The following PRDM5 variants were observed in gnomAD, a reference collection of about 807,000 sequenced individuals.
PRDM5 encodes the protein PR/SET domain 5, also known as PR domain zinc finger protein 5.
PRDM5 carries 56 observed loss-of-function variants against 81.2 expected under a neutral mutation model. The observed-to-expected ratio is 0.69, with a 90% CI of 0.56 to 0.86. The LOEUF (loss-of-function observed/expected upper bound fraction) is 0.86, where lower values mean the gene tolerates loss of function less well. PRDM5 is among the 40% of genes least tolerant of loss of function. The probability of loss-of-function intolerance (pLI) is 0.00; values close to 1 mark genes in which losing one functional copy is unlikely to be tolerated. For missense variants in PRDM5, 697 were observed against 770.1 expected (o/e 0.91, Z 1.12); for synonymous variants, 267 against 256.4 (o/e 1.04, Z -0.39).
rs541473824 is a variant in PRDM5 at position 120,760,500 on chromosome 4, AAAT to A, written c.1538-5865_1538-5863del. On this transcript the variant is annotated intron_variant, in intron 13 of 15. Coordinates refer to ENST00000264808, the MANE Select transcript of PRDM5 (RefSeq NM_018699.4). ...ATAGATTTAGTGAACACAGCAGCAT[AAAT>A]AATAATATTTACATATATACACAGA... Among the ~76,000 whole-genome samples, 369 of 152,328 alleles carry A rather than the reference AAAT, an allele frequency of 2.4e-3. 1 individual carries two copies. The highest frequency in any genetic ancestry group is 7.5e-3 in the African/African-American group (313 of 41,576).
At chr4:120,721,357 C>T (rs1195944664) in intron 14 of PRDM5, among the ~76,000 whole-genome samples, 1 of 152,166 alleles carries the variant, frequency 6.6e-6, no homozygotes. Flanking sequence ...CCTGATTTAA[C>T]TAGTTTGGGT....
chr4:120,728,064 G>T (rs1739700613), intron 14 of PRDM5, among the ~76,000 whole-genome samples: 1 of 151,998 alleles, frequency 6.6e-6, no homozygotes, highest in African/African-American at 2.4e-5. Flanking sequence ...GCTTAGCCTG[G>T]CCCAACTGCT....
intron 14 of PRDM5, among the ~76,000 whole-genome samples, chr4:120,751,451 G>A (rs1743989388): frequency 6.6e-6 from 1 of 151,562 alleles, no homozygotes; most frequent in African/African-American, 2.4e-5. Flanking sequence ...TCTAACATGT[G>A]TAACTGGTGT....
downstream of PRDM5, among the ~76,000 whole-genome samples, chr4:120,688,576 C>T (rs1043211758): frequency 6.6e-6 from 1 of 152,048 alleles, no homozygotes; most frequent in Admixed American, 6.6e-5. Context: ...AAGCATTTTC[C>T]CCCATATTTC....
At position 120,770,308 on chromosome 4, in the gene PRDM5, C is replaced by T. The variant is rs147835639; in HGVS notation, c.1537+6880G>A. 3.1e-3 allele frequency among the ~76,000 whole-genome samples: 469 copies of T among 152,164 alleles called. 3 individuals are homozygous for T. The highest frequency in any genetic ancestry group is 0.011 in the African/African-American group (460 of 41,500). On this transcript the variant is annotated intron_variant, in intron 13 of 15. Transcript: ENST00000264808. ...CCTCCCAAAGTGCTGAGATTACAGGCGTGAGCCACCGCACCCGACCCCTAT... is the reference window on the plus strand; with the variant it reads ...CCTCCCAAAGTGCTGAGATTACAGGTGTGAGCCACCGCACCCGACCCCTAT...
chr4:120,737,642 C>T (rs1031994396), intron 14 of PRDM5, among the ~76,000 whole-genome samples: 5 of 152,178 alleles, frequency 3.3e-5, no homozygotes, highest in Admixed American at 6.5e-5. Flanking sequence ...GATGAATGCA[C>T]GCACTCTTGC....
At chr4:120,901,610 A>G (rs1765235130) in intron 2 of PRDM5, among the ~76,000 whole-genome samples, 1 of 152,164 alleles carries the variant, frequency 6.6e-6, no homozygotes, top group Admixed American at 6.5e-5. Flanking sequence ...TTCAACCTCT[A>G]TTTGTTTTGG....
intron 14 of PRDM5, among the ~76,000 whole-genome samples, chr4:120,713,075 C>T (rs1056890854): frequency 2.6e-5 from 4 of 152,144 alleles, no homozygotes; most frequent in African/African-American, 7.2e-5. Context: ...TCACTGTATC[C>T]TTGTGATTCT....
intron 2 of PRDM5, among the ~76,000 whole-genome samples, chr4:120,895,839 G>A (rs1170992333): frequency 6.6e-6 from 1 of 152,094 alleles, no homozygotes; most frequent in Admixed American, 6.5e-5. Context: ...ACCATGCCTG[G>A]CTAATTTATT....
intron 7 of PRDM5, among the ~76,000 whole-genome samples, chr4:120,815,891 GAT>G (rs1169324626): frequency 1.3e-5 from 2 of 152,172 alleles, no homozygotes; most frequent in African/African-American, 4.8e-5. Context: ...GTGCTAAGCA[GAT>G]AAACCCAAAA....
At chr4:120,854,176 C>A (rs1037002981) in intron 2 of PRDM5, among the ~76,000 whole-genome samples, 1 of 152,144 alleles carries the variant, frequency 6.6e-6, no homozygotes, top group South Asian at 2.1e-4. Flanking sequence ...ATTGCTCAGG[C>A]CTACTCTACA....
At chr4:120,882,081 G>A (rs1022806503) in intron 2 of PRDM5, among the ~76,000 whole-genome samples, 9 of 152,098 alleles carry the variant, frequency 5.9e-5, no homozygotes, top group East Asian at 1.9e-4. Context: ...TCTCTCCCTC[G>A]CTCAGCGGGG....
chr4:120,743,074 G>A (rs992474974), intron 14 of PRDM5, among the ~76,000 whole-genome samples: 6 of 151,878 alleles, frequency 4.0e-5, no homozygotes, highest in Non-Finnish European at 5.9e-5. Context: ...GACTAATAGC[G>A]GATCTCTCGG....
intron 7 of PRDM5, among the ~76,000 whole-genome samples, chr4:120,812,197 C>G (rs4833681): frequency 0.25 from 38,756 of 152,008 alleles, 5,657 homozygotes; most frequent in East Asian, 0.36. Flanking sequence ...TTGATGGACA[C>G]TTAGGTTGAT....
chr4:120,904,198 A>AAAAAAAAAAAAAC (rs1554009285), intron 2 of PRDM5, among the ~76,000 whole-genome samples: 2 of 145,348 alleles, frequency 1.4e-5, no homozygotes, highest in South Asian at 2.2e-4. Context: ...TCAAAAAAAA[A>AAAAAAAAAAAAAC]AAAAAAACAA....
intron 7 of PRDM5, chr4:120,812,892 A>G (rs1299959789): frequency 1.0e-5 from 2 of 197,616 alleles, no homozygotes; most frequent in Non-Finnish European, 2.1e-5. Flanking sequence ...ATGTGTTTGT[A>G]AAAGAAAAAA....
At chr4:120,773,083 C>T (rs184108434) in intron 13 of PRDM5, among the ~76,000 whole-genome samples, 1 of 152,178 alleles carries the variant, frequency 6.6e-6, no homozygotes, top group African/African-American at 2.4e-5. Flanking sequence ...GCTGAAAGCA[C>T]TTGTAACGCA....
chr4:120,810,678 C>T (rs775545622), intron 8 of PRDM5: 4 of 151,564 alleles, frequency 2.6e-5, no homozygotes, highest in Non-Finnish European at 5.9e-5. Flanking sequence ...ATTCAGTGTC[C>T]CATTTTATAA....
intron 10 of PRDM5, among the ~76,000 whole-genome samples, chr4:120,786,713 T>C (rs1749811944): frequency 1.3e-5 from 2 of 152,172 alleles, no homozygotes; most frequent in Admixed American, 1.3e-4. Context: ...AAACCAGACA[T>C]TGAAATGACA....
Sources: allele counts gnomAD v4.1 joint callset (sites outside exome capture counted in the v4.1 genomes callset), GRCh38; gene constraint gnomAD v4.1.1; transcripts MANE v1.5; gene names NCBI Gene and HGNC (gene_info 2026-07-23, HGNC 2026-07-21).